Variants in CDCA7L observed in about 807,000 individuals in gnomAD.
CDCA7L encodes cell division cycle-associated 7-like protein.
CDCA7L carries 44 observed loss-of-function variants against 57.4 expected under a neutral mutation model. The observed-to-expected ratio is 0.77, with a 90% confidence interval of 0.60 to 0.98. The LOEUF is 0.98. CDCA7L is among the 50% of genes least tolerant of loss of function. The pLI is 0.00. For synonymous variants in CDCA7L, 236 were observed against 202.8 expected, an observed-to-expected ratio of 1.16 and a Z score of -1.39; for missense variants, 644 against 580.6, an observed-to-expected ratio of 1.11 and a Z score of -1.12.
At chr7:21,944,743 C>T (rs1415180325) in intron 1 of CDCA7L, 1 of 152,148 alleles carries the variant, frequency 6.6e-6, no homozygotes, top group African/African-American at 2.4e-5. Context: ...GGGCGCCGGG[C>T]ACTCTGCGCC....
chr7:21,904,999 AT>A (rs908981529), intron 7 of CDCA7L, among the ~76,000 whole-genome samples: 3 of 151,504 alleles, frequency 2.0e-5, no homozygotes, highest in African/African-American at 7.3e-5. Flanking sequence ...TGTGAGATCT[AT>A]TTTTTTTTAA....
chr7:21,900,981 T>C lies in CDCA7L; in HGVS notation c.*1341A>G, dbSNP rs376080177. ...TCATTAGTAGCAAGCTGCCACACAA[T>C]TGCAACCGCTGTGTTTTTGCCATAG... is the stretch of plus-strand genomic sequence containing the variant. On this transcript the variant is annotated 3_prime_UTR_variant, in exon 10 of 10. Transcript: ENST00000406877. The C allele has an allele frequency of 8.7e-5, 135 of 1,547,640 alleles. No homozygotes were observed. Among genetic ancestry groups the C allele is most frequent in the Non-Finnish European group, 1.2e-4 (132 of 1,147,704 alleles).
At chr7:21,922,575 C>T (rs1583862259) in intron 1 of CDCA7L, among the ~76,000 whole-genome samples, 2 of 152,288 alleles carry the variant, frequency 1.3e-5, no homozygotes, top group Middle Eastern at 3.4e-3. Context: ...ACTCATAGGG[C>T]TCTGTGGGAC....
intron 1 of CDCA7L, among the ~76,000 whole-genome samples, chr7:21,944,204 C>T (rs950192905): frequency 2.0e-5 from 3 of 150,712 alleles, no homozygotes; most frequent in Non-Finnish European, 4.4e-5. Context: ...TTTGGGAGGC[C>T]GAGGCAGGTG....
rs563675406 is a variant in CDCA7L at position 21,908,201 on chromosome 7, G to C, written c.610C>G (p.Arg204Gly). The C allele has an allele frequency of 1.2e-6, 2 of 1,610,050 alleles. No individual in the cohort carries two copies. The highest frequency in any genetic ancestry group is 1.7e-6 in the Non-Finnish European group (2 of 1,179,250). ...TCTGAACTCTCCTGGCTCTCATCCCGAGAGTCATCCTCAGACTCAGAGGTA... is the reference window on the plus strand; with the variant it reads ...TCTGAACTCTCCTGGCTCTCATCCCCAGAGTCATCCTCAGACTCAGAGGTA... The part of the protein sequence containing the change: ...DSTSESEDDS[R>G]DESQESSDAL... The change falls in exon 4 of 10, where the codon CGG (arginine) becomes GGG (glycine). Residue 204 changes from arginine (R) to glycine (G), a missense_variant. Arg to Gly is a moderately radical substitution (Grantham distance 125, BLOSUM62 -2). Coordinates refer to ENST00000406877, the MANE Select transcript of CDCA7L (RefSeq NM_018719.5).
intron 1 of CDCA7L, among the ~76,000 whole-genome samples, chr7:21,929,626 GAAAGC>G (rs1785940770): frequency 2.8e-5 from 1 of 35,178 alleles, no homozygotes; most frequent in Non-Finnish European, 4.3e-5. Flanking sequence ...CCAGCAAATG[GAAAGC>G]AAAAAAAAAA....
chr7:21,906,771 A>G (rs1056752892), intron 4 of CDCA7L, 132 bp from the exon 5 acceptor site: 7 of 762,540 alleles, frequency 9.2e-6, no homozygotes, highest in African/African-American at 1.8e-5. Context: ...AACCCACAAC[A>G]GTTATACTTT....
intron 2 of CDCA7L, among the ~76,000 whole-genome samples, chr7:21,913,386 A>G (rs952959774): frequency 3.3e-5 from 5 of 152,198 alleles, no homozygotes; most frequent in African/African-American, 1.2e-4. Flanking sequence ...TGAAATTCAA[A>G]TCGTGTTTAA....
Position 21,911,762 on chromosome 7 carries a change from AAAGAC to A in CDCA7L, c.166-13_166-9del, listed in dbSNP as rs1785336119. On this transcript the variant is annotated splice_polypyrimidine_tract_variant and intron_variant, in intron 2 of 9. Transcript: ENST00000406877. ...ATGAAAGCGCACATCCTGCTAAATT[AAAGAC>A]ACACATACATCAGAGACGGAAAGTA... The A allele has an allele frequency of 1.2e-6, 2 of 1,610,810 alleles. No homozygotes were observed. Among genetic ancestry groups the A allele is most frequent in the Non-Finnish European group, 1.7e-6 (2 of 1,179,050 alleles).
At chr7:21,924,717 A>G (rs1050779361) in intron 1 of CDCA7L, among the ~76,000 whole-genome samples, 36 of 152,208 alleles carry the variant, frequency 2.4e-4, no homozygotes, top group African/African-American at 8.4e-4. Context: ...CAGATACAAC[A>G]CAATACAGAT....
At chr7:21,942,249 T>C (rs76913615) in intron 1 of CDCA7L, among the ~76,000 whole-genome samples, 1,612 of 152,314 alleles carry the variant, frequency 0.011, 24 homozygotes, top group African/African-American at 0.037. Flanking sequence ...ACACTTTATT[T>C]CTGTGCTGCA....
intron 3 of CDCA7L, among the ~76,000 whole-genome samples, chr7:21,910,765 T>A (rs1256342734): frequency 1.3e-5 from 2 of 152,150 alleles, no homozygotes; most frequent in Admixed American, 6.5e-5. Context: ...TCATAGGAAG[T>A]GCTGAGAGTA....
chr7:21,910,083 C>T (rs568071865), intron 3 of CDCA7L, among the ~76,000 whole-genome samples: 6 of 152,318 alleles, frequency 3.9e-5, no homozygotes, highest in African/African-American at 1.4e-4. Flanking sequence ...AACTACATCA[C>T]ACAGTCCATA....
At chr7:21,929,807 C>T (rs187166635) in intron 1 of CDCA7L, among the ~76,000 whole-genome samples, 22 of 152,188 alleles carry the variant, frequency 1.4e-4, no homozygotes, top group Middle Eastern at 3.4e-3. Context: ...TACAGGAGCA[C>T]CCAGATGCAT....
At chr7:21,927,581 CAGAG>C (rs1314251869) in intron 1 of CDCA7L, among the ~76,000 whole-genome samples, 2 of 152,050 alleles carry the variant, frequency 1.3e-5, no homozygotes, top group African/African-American at 4.8e-5. Flanking sequence ...AGAAAGAAAA[CAGAG>C]AGAAAAAGAG....
At chr7:21,909,946 T>C (rs1455721223) in intron 3 of CDCA7L, among the ~76,000 whole-genome samples, 1 of 152,176 alleles carries the variant, frequency 6.6e-6, no homozygotes, top group African/African-American at 2.4e-5. Context: ...AAAGATAGGT[T>C]CGCCAGTTCC....
chr7:21,903,635 C>G (rs1293815730), intron 8 of CDCA7L: 1 of 162,710 alleles, frequency 6.1e-6, no homozygotes, highest in Non-Finnish European at 1.3e-5. Flanking sequence ...TACTATGTCT[C>G]ATTTTACCGA....
intron 1 of CDCA7L, among the ~76,000 whole-genome samples, chr7:21,922,416 C>T (rs1214994919): frequency 6.6e-6 from 1 of 152,162 alleles, no homozygotes; most frequent in Non-Finnish European, 1.5e-5. Context: ...GCCACTCCTC[C>T]ACTCCAGCTG....
chr7:21,901,385 C>CCTTAGA lies in CDCA7L; in HGVS notation c.*931_*936dup, dbSNP rs1784835049. The CCTTAGA allele has an allele frequency of 4.7e-6, 6 of 1,277,380 alleles. No homozygotes were observed. The Admixed American group carries it at 1.7e-4, about 35-fold the overall frequency. The allele number at this position is 1,277,380 out of a possible 1,614,324, so 79.1% of individuals were successfully genotyped here. On this transcript the variant is annotated 3_prime_UTR_variant, in exon 10 of 10. Coordinates refer to ENST00000406877, the MANE Select transcript of CDCA7L (RefSeq NM_018719.5). ...ACGTGCATTCTTTTTTCAACGCTAT[C>CCTTAGA]CTTAGAGTGAAAGTCAGAAAAAAAT...
Sources: gnomAD v4.1 joint callset for allele counts (sites outside exome capture counted in the v4.1 genomes callset) on GRCh38, gnomAD v4.1.1 for gene constraint, MANE v1.5 for transcripts, NCBI Gene and HGNC (gene_info 2026-07-23, HGNC 2026-07-21) for gene names.